The following HPD variants were observed in gnomAD, a reference collection of about 807,000 sequenced individuals.
HPD encodes 4-hydroxyphenylpyruvic acid oxidase.
HPD carries 35 observed loss-of-function variants against 56.9 expected under a neutral mutation model. That is an observed-to-expected ratio of 0.62 (90% CI 0.47 to 0.82). The LOEUF (loss-of-function observed/expected upper bound fraction) is 0.82, where lower values mean the gene tolerates loss of function less well. HPD is among the 40% of genes least tolerant of loss of function. The probability of loss-of-function intolerance (pLI) is 0.00; values close to 1 mark genes in which losing one functional copy is unlikely to be tolerated. For synonymous variants in HPD, 186 were observed against 200.2 expected, an observed-to-expected ratio of 0.93 and a Z score of 0.60; for missense variants, 442 against 506.8, an observed-to-expected ratio of 0.87 and a Z score of 1.23.
chr12:121,848,940 G>A, intron 9 of HPD, 59 bp downstream of exon 9: 1 of 1,235,724 alleles, frequency 8.1e-7, no homozygotes, highest in Non-Finnish European at 1.2e-6. Context: ...CCAGGGAGTG[G>A]GCCAGTCCAC....
chr12:121,847,263 G>A (rs78792777), intron 9 of HPD, 49 bp from the exon 10 acceptor site: 3 of 1,579,394 alleles, frequency 1.9e-6, no homozygotes, highest in Non-Finnish European at 1.7e-6. Flanking sequence ...CTCCAGGGAC[G>A]GCCTCCATCA....
At chr12:121,888,573 G>A in the HPD span, among the ~76,000 whole-genome samples, 1 of 152,240 alleles carries the variant, frequency 6.6e-6, no homozygotes, top group South Asian at 2.1e-4. Flanking sequence ...TGAGTCAGCT[G>A]GGGCGAGATC....
At position 121,843,729 on chromosome 12, in the gene HPD, T is replaced by C; in HGVS notation, c.935A>G (p.Glu312Gly). Residue 312 changes from glutamate to glycine, a missense_variant, in exon 12 of 14, where the codon GAG becomes GGG. By Grantham distance (98) the Glu-to-Gly change is moderately conservative. Coordinates refer to ENST00000289004, the MANE Select transcript of HPD (RefSeq NM_002150.3). ...CCTCACCTCCAGGGCATCAATGTTC[T>C]CCTTCACCTTGATCTTGGCCGTCTT... The part of the protein sequence containing the change: ...KLKTAKIKVK[E>G]NIDALEELKI... 6.2e-7 allele frequency: 1 copy of C among 1,614,110 alleles called. No individual in the cohort carries two copies. The highest frequency in any genetic ancestry group is 8.5e-7 in the Non-Finnish European group (1 of 1,180,006).
At chr12:121,857,463 A>T in intron 3 of HPD, 31 bp from the exon 4 acceptor site, 1 of 1,499,436 alleles carries the variant, frequency 6.7e-7, no homozygotes, top group Non-Finnish European at 9.3e-7. Context: ...AGGGTTCATG[A>T]GGGTCAAGGG....
upstream of HPD, chr12:121,859,211 G>A: frequency 2.9e-6 from 1 of 341,742 alleles, no homozygotes; most frequent in East Asian, 6.9e-5. Context: ...ATTTGAGGGG[G>A]CATTTGGAGA....
chr12:121,886,338 A>G, the HPD span, among the ~76,000 whole-genome samples: 3 of 149,960 alleles, frequency 2.0e-5, no homozygotes, highest in African/African-American at 7.4e-5. Flanking sequence ...TCGATCTCCT[A>G]ACCTCATGAT....
upstream of HPD, among the ~76,000 whole-genome samples, chr12:121,867,818 G>A (rs939952747): frequency 6.6e-6 from 1 of 152,004 alleles, no homozygotes; most frequent in Admixed American, 6.6e-5. Context: ...CACCGTGCCC[G>A]ACACCACTGG....
At chr12:121,875,741 G>A in the HPD span, among the ~76,000 whole-genome samples, 4 of 152,022 alleles carry the variant, frequency 2.6e-5, no homozygotes, top group Admixed American at 6.6e-5. Flanking sequence ...GGTCAATTTC[G>A]AGTATCAACA....
In HPD at chr12:121,854,674, GA is replaced by G. The variant is rs776395434; in HGVS notation, c.414+28del. The G allele has an allele frequency of 3.3e-6, 5 of 1,506,048 alleles. No individual in the cohort carries two copies. In the African/African-American group the frequency reaches 6.9e-5, roughly 21 times the overall value. 93.3% of individuals were successfully genotyped at this position (1,506,048 alleles called of 1,614,324 possible). ...GGCATCTCAGTGGTGCCGACAGCAG[GA>G]GGGGTGGGGGCACCAAAGGGAACTC... is the stretch of plus-strand genomic sequence containing the variant. On this transcript the variant is annotated intron_variant, in intron 7 of 13. Transcript: ENST00000289004.
chr12:121,879,217 G>A, the HPD span, among the ~76,000 whole-genome samples: 4 of 152,054 alleles, frequency 2.6e-5, no homozygotes, highest in Non-Finnish European at 4.4e-5. Context: ...CCCAGGAGGC[G>A]GAGGTTGCAA....
the HPD span, among the ~76,000 whole-genome samples, chr12:121,876,742 A>G: frequency 6.6e-5 from 10 of 152,066 alleles, no homozygotes. Context: ...AATTGCCTTC[A>G]ATACATGGCT....
chr12:121,886,109 GT>G, the HPD span, among the ~76,000 whole-genome samples: 415 of 129,414 alleles, frequency 3.2e-3, 3 homozygotes, highest in African/African-American at 8.4e-3. Context: ...ATTGCATTTA[GT>G]TTTTTTTTTT....
intron 6 of HPD, among the ~76,000 whole-genome samples, chr12:121,855,510 G>T (rs1592922580): frequency 1.3e-5 from 2 of 152,154 alleles, no homozygotes; most frequent in African/African-American, 4.8e-5. Flanking sequence ...TTGAGGTCAG[G>T]AGTTCAAGAC....
chr12:121,854,591 G>A (rs1215334048), intron 7 of HPD, 112 bp downstream of exon 7: 1 of 821,042 alleles, frequency 1.2e-6, no homozygotes, highest in Non-Finnish European at 2.2e-6. Flanking sequence ...GAGGGACAAT[G>A]TCTGTGCTCC....
the HPD span, among the ~76,000 whole-genome samples, chr12:121,877,274 G>T: frequency 6.3e-3 from 958 of 152,196 alleles, 13 homozygotes; most frequent in African/African-American, 0.022. Context: ...ATACTAGTAG[G>T]TAGAGTTGGG....
In HPD at chr12:121,846,846, G is replaced by A. The variant is rs768597159; in HGVS notation, c.831+16C>T. 6.2e-7 allele frequency: 1 copy of A among 1,613,180 alleles called. No homozygotes were observed. The highest frequency in any genetic ancestry group is 8.5e-7 in the Non-Finnish European group (1 of 1,179,160). ...CTGAATGAGAGAGGAATTCGGACAG[G>A]GAAGGGGGTTCTAACCGCTGTGATG... On this transcript the variant is annotated intron_variant, in intron 11 of 13. Transcript: ENST00000289004.
At chr12:121,844,868 G>A (rs1877525385) in intron 11 of HPD, among the ~76,000 whole-genome samples, 1 of 150,916 alleles carries the variant, frequency 6.6e-6, no homozygotes, top group Middle Eastern at 3.2e-3. Flanking sequence ...GCAACAGAGC[G>A]AGACTCTGTC....
intron 6 of HPD, among the ~76,000 whole-genome samples, chr12:121,855,756 GA>G (rs968210095): frequency 6.7e-6 from 1 of 149,646 alleles, no homozygotes; most frequent in Non-Finnish European, 1.5e-5. Context: ...AATGAAAAAA[GA>G]AAAAAAAGGA....
rs112078809 is a variant in HPD at position 121,857,843 on chromosome 12, G to A, written c.31-24C>T. The A allele has an allele frequency of 4.1e-5, 65 of 1,599,610 alleles. No homozygotes were observed. In the African/African-American group the frequency reaches 7.8e-4, roughly 19 times the overall value. ...GGCTGCAGAAGGAGAGAAGAGGTGAGGTTGAGTCCCTGAAAGTGAGTCTAG... is the reference window on the plus strand; with the variant it reads ...GGCTGCAGAAGGAGAGAAGAGGTGAAGTTGAGTCCCTGAAAGTGAGTCTAG... On this transcript the variant is annotated intron_variant, in intron 2 of 13. Transcript: ENST00000289004.
Sources: gnomAD v4.1 joint callset for allele counts (sites outside exome capture counted in the v4.1 genomes callset) on GRCh38, gnomAD v4.1.1 for gene constraint, MANE v1.5 for transcripts, NCBI Gene and HGNC (gene_info 2026-07-23, HGNC 2026-07-21) for gene names.